ARL15: variants seen among roughly 807,000 people sequenced by gnomAD.
The protein encoded by ARL15 is ADP-ribosylation factor-like protein 15.
Under a neutral mutation model 25.2 loss-of-function variants are expected in ARL15, and 19 were observed. The ratio of observed to expected loss-of-function variants is 0.75; its 90% CI spans 0.53 to 1.10. The LOEUF is 1.10. Ranked by LOEUF, ARL15 falls within the 50% of genes least tolerant of loss-of-function variation. ARL15 has a pLI of 0.00. For missense variants in ARL15, 220 were observed against 246.0 expected (o/e 0.89, Z 0.71); for synonymous variants, 94 against 86.8 (o/e 1.08, Z -0.46).
intron 4 of ARL15, among the ~76,000 whole-genome samples, chr5:53,892,012 T>C (rs114249772): frequency 0.014 from 2,132 of 152,316 alleles, 47 homozygotes; most frequent in African/African-American, 0.048. Flanking sequence ...TTTTCCCCCA[T>C]GAGCTTTTTA....
At chr5:54,290,596 G>A (rs779344033) in intron 1 of ARL15, among the ~76,000 whole-genome samples, 4 of 151,982 alleles carry the variant, frequency 2.6e-5, no homozygotes, top group South Asian at 2.1e-4. Flanking sequence ...ATGAGCCACC[G>A]TGTCCAGCAT....
At position 54,131,545 on chromosome 5, in the gene ARL15, G is replaced by A. The variant is rs144087174; in HGVS notation, c.254-18135C>T. On this transcript the variant is annotated intron_variant, in intron 3 of 4. Coordinates refer to ENST00000504924, the MANE Select transcript of ARL15 (RefSeq NM_019087.3). ...CCCCACTAAGGAGCCAGAGTAGTCA[G>A]TTATCTACAGTTTTTAATGTCATGC... 1.6e-3 allele frequency among the ~76,000 whole-genome samples: 248 copies of A among 152,268 alleles called. 2 individuals are homozygous for A. The highest frequency in any genetic ancestry group is 8.0e-3 in the Admixed American group (123 of 15,296).
rs2111895000 is a variant in ARL15, at chr5:53,890,695, T to C, written c.463-3982A>G. ...GCCACCACCAGCAGCCAACCTATTT[T>C]AGCCCTGTCACCAGAGCCTTTCTCC... is the stretch of plus-strand genomic sequence containing the variant. On this transcript the variant is annotated intron_variant, in intron 4 of 4. Coordinates refer to ENST00000504924, the MANE Select transcript of ARL15 (RefSeq NM_019087.3). 2.0e-5 allele frequency among the ~76,000 whole-genome samples: 3 copies of C among 152,302 alleles called. No individual in the cohort carries two copies. In the South Asian group the frequency reaches 6.2e-4, roughly 32 times the overall value.
chr5:54,240,083 CG>C (rs1756918769), intron 1 of ARL15, among the ~76,000 whole-genome samples: 1 of 151,742 alleles, frequency 6.6e-6, no homozygotes, highest in South Asian at 2.1e-4. Context: ...AAAAATTAGC[CG>C]GGTGTGGTGG....
chr5:54,070,384 T>A (rs1751382025), intron 4 of ARL15, among the ~76,000 whole-genome samples: 1 of 150,850 alleles, frequency 6.6e-6, no homozygotes, highest in Non-Finnish European at 1.5e-5. Context: ...AGAGCGAGAC[T>A]CCGTCTCAAA....
At chr5:54,147,245 G>A (rs546219098) in intron 3 of ARL15, among the ~76,000 whole-genome samples, 1 of 152,030 alleles carries the variant, frequency 6.6e-6, no homozygotes, top group South Asian at 2.1e-4. Flanking sequence ...ATATCAAGAA[G>A]TTGCGGTCAT....
In ARL15 at chr5:53,884,124, A is replaced by T. The variant is rs549241184; in HGVS notation, c.*2437T>A. ...CAGTTAATTAGCAACCAATACTGTC[A>T]ACTACAGTGGATACAAAGTTTTATC... On this transcript the variant is annotated 3_prime_UTR_variant, in exon 5 of 5. Transcript: ENST00000504924. 5.9e-5 allele frequency: 9 copies of T among 152,212 alleles called. No homozygotes were observed. The highest frequency in any genetic ancestry group is 1.3e-4 in the Non-Finnish European group (9 of 68,040). The allele number at this position is 152,212 out of a possible 1,614,324, so 9.4% of individuals were successfully genotyped here.
intron 1 of ARL15, among the ~76,000 whole-genome samples, chr5:54,286,507 A>G (rs905533943): frequency 2.0e-5 from 3 of 152,270 alleles, no homozygotes; most frequent in African/African-American, 7.2e-5. Flanking sequence ...AAAGCCATCT[A>G]GCAGAAATAA....
chr5:54,183,188 T>C (rs1414117670), intron 1 of ARL15, among the ~76,000 whole-genome samples: 4 of 87,788 alleles, frequency 4.6e-5, no homozygotes, highest in African/African-American at 1.6e-4. Context: ...AACACTATGT[T>C]GAATAGGAGC....
intron 1 of ARL15, among the ~76,000 whole-genome samples, chr5:54,193,098 T>C (rs1755452198): frequency 6.6e-6 from 1 of 152,206 alleles, no homozygotes; most frequent in Non-Finnish European, 1.5e-5. Flanking sequence ...TTAAACTTCC[T>C]GTTAAACATC....
At chr5:54,012,334 T>C (rs1350494268) in intron 4 of ARL15, among the ~76,000 whole-genome samples, 2 of 152,122 alleles carry the variant, frequency 1.3e-5, no homozygotes, top group Admixed American at 1.3e-4. Flanking sequence ...GTTTTATGGG[T>C]TCCATGCTTG....
chr5:54,073,166 A>T (rs1444429665), intron 4 of ARL15, among the ~76,000 whole-genome samples: 1 of 152,246 alleles, frequency 6.6e-6, no homozygotes, highest in Non-Finnish European at 1.5e-5. Flanking sequence ...CAGTGCACAT[A>T]TGGCAGTCGG....
chr5:54,107,066 C>A lies in ARL15; in HGVS notation c.462+6136G>T, dbSNP rs371881197. Among the ~76,000 whole-genome samples the A allele has an allele frequency of 5.2e-4, 79 of 152,060 alleles. No homozygotes were observed. The South Asian group carries it at 0.016, about 31-fold the overall frequency. Reference sequence around the variant, plus strand: ...TTACAGTTCCACATGGCTGGGGAGGCCTCAGAATCACGGTGGGAGGTGAAA... The same window carrying A: ...TTACAGTTCCACATGGCTGGGGAGGACTCAGAATCACGGTGGGAGGTGAAA... On this transcript the variant is annotated intron_variant, in intron 4 of 4. Coordinates refer to ENST00000504924, the MANE Select transcript of ARL15 (RefSeq NM_019087.3).
chr5:53,899,209 G>A (rs985636802), intron 4 of ARL15, among the ~76,000 whole-genome samples: 14 of 151,392 alleles, frequency 9.2e-5, no homozygotes, highest in Non-Finnish European at 1.5e-4. Context: ...TTAGCCAGGC[G>A]TGGTGGTGCA....
chr5:54,130,061 A>T (rs1403755330), intron 3 of ARL15, among the ~76,000 whole-genome samples: 1 of 152,150 alleles, frequency 6.6e-6, no homozygotes, highest in Non-Finnish European at 1.5e-5. Flanking sequence ...CAACAGAGGG[A>T]GACCTCGTCT....
At chr5:54,194,762 ACTGT>A (rs1755505051) in intron 1 of ARL15, among the ~76,000 whole-genome samples, 1 of 152,228 alleles carries the variant, frequency 6.6e-6, no homozygotes, top group Non-Finnish European at 1.5e-5. Flanking sequence ...TAGATTAAAA[ACTGT>A]CTGAAAGGTT....
chr5:54,114,406 G>GCAAAAAAAAAA (rs1342951039), intron 3 of ARL15, among the ~76,000 whole-genome samples: 2 of 74,474 alleles, frequency 2.7e-5, no homozygotes, highest in Non-Finnish European at 4.5e-5. Flanking sequence ...TCCATCTCAA[G>GCAAAAAAAAAA]AAAAAAAAAA....
At chr5:54,112,288 G>C (rs1752765224) in intron 4 of ARL15, among the ~76,000 whole-genome samples, 2 of 152,130 alleles carry the variant, frequency 1.3e-5, no homozygotes, top group Admixed American at 1.3e-4. Context: ...CACAAGAATA[G>C]GCTATCTGCC....
intron 4 of ARL15, among the ~76,000 whole-genome samples, chr5:53,979,958 G>C (rs997075311): frequency 1.3e-5 from 2 of 151,820 alleles, no homozygotes; most frequent in African/African-American, 2.4e-5. Context: ...ACCTGACTTG[G>C]CCTCCCAAAG....
Sources: allele counts gnomAD v4.1 joint callset (sites outside exome capture counted in the v4.1 genomes callset), GRCh38; gene constraint gnomAD v4.1.1; transcripts MANE v1.5; gene names NCBI Gene and HGNC (gene_info 2026-07-23, HGNC 2026-07-21).